The following ATAD2B variants were observed in gnomAD, a reference collection of about 807,000 sequenced individuals.
ATAD2B encodes the protein ATPase family AAA domain containing 2B.
Under a neutral mutation model 167.6 loss-of-function variants are expected in ATAD2B, and 40 were observed. That is an observed-to-expected ratio of 0.24 (90% CI 0.19 to 0.31). ATAD2B has a LOEUF of 0.31. ATAD2B is among the 10% of genes least tolerant of loss of function. ATAD2B has a pLI of 1.00. For missense variants in ATAD2B, 1,242 were observed against 1,757.2 expected, an observed-to-expected ratio of 0.71 and a Z score of 5.24; for synonymous variants, 579 against 596.5, an observed-to-expected ratio of 0.97 and a Z score of 0.43.
chr2:23,899,780 C>T (rs921744833), intron 1 of ATAD2B, among the ~76,000 whole-genome samples: 1 of 144,770 alleles, frequency 6.9e-6, no homozygotes, highest in African/African-American at 2.6e-5. Flanking sequence ...TACTAGAGAC[C>T]GGGTTTCACC....
chr2:23,745,422 A>AAGGAAAGGGAAGGGAAGGGAAGGGAAAGG, downstream of ATAD2B, among the ~76,000 whole-genome samples: 1 of 85,012 alleles, frequency 1.2e-5, no homozygotes, highest in Non-Finnish European at 2.4e-5. Flanking sequence ...GGAAGGAAGG[A>AAGGAAAGGGAAGGGAAGGGAAGGGAAAGG]AAGGGAAGGG....
At chr2:23,860,308 T>C (rs1323533525) in intron 12 of ATAD2B, among the ~76,000 whole-genome samples, 1 of 152,214 alleles carries the variant, frequency 6.6e-6, no homozygotes, top group African/African-American at 2.4e-5. Context: ...AACAAAAATA[T>C]GTATTTTGTT....
intron 15 of ATAD2B, among the ~76,000 whole-genome samples, chr2:23,825,252 T>C (rs1261959619): frequency 1.3e-5 from 2 of 151,878 alleles, no homozygotes. Flanking sequence ...CCTATTTATC[T>C]TTTTATACCT....
Position 23,926,916 on chromosome 2 carries a change from A to G in ATAD2B, c.-146T>C, listed in dbSNP as rs1476396920. ...AGCGTGCGGAGCGCAGACGAGCACA[A>G]GAGAGAGCCGGGCAGAGGAAGGGAA... On this transcript the variant is annotated 5_prime_UTR_variant, in exon 1 of 28. Transcript: ENST00000238789. The G allele has an allele frequency of 1.0e-6, 1 of 988,536 alleles. No homozygotes were observed. The highest frequency in any genetic ancestry group is 3.1e-5 in the East Asian group (1 of 32,400). The allele number at this position is 988,536 out of a possible 1,614,324, so 61.2% of individuals were successfully genotyped here.
chr2:23,745,413 G>A (rs1315723180), downstream of ATAD2B, among the ~76,000 whole-genome samples: 4 of 100,752 alleles, frequency 4.0e-5, no homozygotes, highest in Non-Finnish European at 9.1e-5. Flanking sequence ...AGGAAGGAAG[G>A]AAGGAAGGAA....
chr2:23,739,555 G>C, the ATAD2B span, among the ~76,000 whole-genome samples: 3,291 of 152,018 alleles, frequency 0.022, 134 homozygotes, highest in African/African-American at 0.075. Context: ...AAAGCAGTGT[G>C]TAGAGGGAAA....
At chr2:23,691,881 G>A in the ATAD2B span, 1 of 1,547,814 alleles carries the variant, frequency 6.5e-7, no homozygotes, top group South Asian at 1.2e-5. Flanking sequence ...TTCTCGGTGA[G>A]CCCGGGGGCC....
At chr2:23,873,347 C>A (rs1353918021) in intron 8 of ATAD2B, among the ~76,000 whole-genome samples, 2 of 152,102 alleles carry the variant, frequency 1.3e-5, no homozygotes, top group Non-Finnish European at 2.9e-5. Context: ...TATAACAATA[C>A]CTATAAACAT....
At chr2:23,771,663 T>G (rs929383955) in intron 22 of ATAD2B, among the ~76,000 whole-genome samples, 2 of 152,186 alleles carry the variant, frequency 1.3e-5, no homozygotes, top group Admixed American at 6.5e-5. Context: ...TTTTCTCACT[T>G]CTCTTGGAAT....
At chr2:23,893,637 C>G (rs1421188398) in intron 2 of ATAD2B, among the ~76,000 whole-genome samples, 1 of 149,532 alleles carries the variant, frequency 6.7e-6, no homozygotes, top group Non-Finnish European at 1.5e-5. Context: ...TACTCAGACT[C>G]CTAGATGAAT....
At chr2:23,679,569 G>C in the ATAD2B span, among the ~76,000 whole-genome samples, 1 of 145,048 alleles carries the variant, frequency 6.9e-6, no homozygotes, top group African/African-American at 2.5e-5. Context: ...TCCACCTCTT[G>C]ACGGGGGAAG....
chr2:23,745,657 C>G (rs1674839635), downstream of ATAD2B, among the ~76,000 whole-genome samples: 1 of 152,186 alleles, frequency 6.6e-6, no homozygotes, highest in African/African-American at 2.4e-5. Flanking sequence ...ATGGGACCAA[C>G]AACAGTACCT....
Position 23,915,442 on chromosome 2 carries a change from TA to T in ATAD2B, c.216+11112del, listed in dbSNP as rs764031236. Reference sequence around the variant, plus strand: ...TAACCCAGGAAAACAAAGTCTTGATTAAAAAAAAAAAAAAATCCAACTCACT... The same window carrying T: ...TAACCCAGGAAAACAAAGTCTTGATTAAAAAAAAAAAAAATCCAACTCACT... On this transcript the variant is annotated intron_variant, in intron 1 of 27. Coordinates refer to ENST00000238789, the MANE Select transcript of ATAD2B (RefSeq NM_017552.4). Among the ~76,000 whole-genome samples the T allele has an allele frequency of 3.8e-3, 518 of 136,016 alleles. 1 individual carries two copies. Among genetic ancestry groups the T allele is most frequent in the East Asian group, 6.9e-3 (33 of 4,790 alleles). 89.2% of individuals were successfully genotyped at this position (136,016 alleles called of 152,430 possible).
chr2:23,687,153 C>T, the ATAD2B span, among the ~76,000 whole-genome samples: 1 of 152,194 alleles, frequency 6.6e-6, no homozygotes, highest in Non-Finnish European at 1.5e-5. Context: ...GCTCCACGCT[C>T]AGGCAGCTGC....
chr2:23,734,621 T>C, the ATAD2B span, among the ~76,000 whole-genome samples: 2 of 152,062 alleles, frequency 1.3e-5, no homozygotes, highest in East Asian at 3.9e-4. Context: ...AAGAGAGAGA[T>C]AAGTGGGAGG....
At chr2:23,805,965 C>T (rs1684325948) in intron 18 of ATAD2B, among the ~76,000 whole-genome samples, 2 of 151,970 alleles carry the variant, frequency 1.3e-5, no homozygotes, top group South Asian at 4.1e-4. Context: ...AAGGTATTTG[C>T]CCATATTTAG....
At chr2:23,769,723 T>G (rs1390980240) in intron 22 of ATAD2B, among the ~76,000 whole-genome samples, 1 of 149,380 alleles carries the variant, frequency 6.7e-6, no homozygotes, top group African/African-American at 2.5e-5. Context: ...TTTTTTTTTT[T>G]TTTTTTTTTT....
the ATAD2B span, among the ~76,000 whole-genome samples, chr2:23,709,491 G>A: frequency 6.6e-5 from 10 of 152,214 alleles, no homozygotes; most frequent in African/African-American, 2.4e-4. Flanking sequence ...AAAAGGTAGA[G>A]CGCCAGATGG....
chr2:23,919,604 AG>A (rs576796982), intron 1 of ATAD2B, among the ~76,000 whole-genome samples: 51 of 152,234 alleles, frequency 3.4e-4, no homozygotes, highest in Middle Eastern at 3.4e-3. Flanking sequence ...GCACTTTGAG[AG>A]GCCGAGGCGG....
Sources: allele counts gnomAD v4.1 joint callset (sites outside exome capture counted in the v4.1 genomes callset), GRCh38; gene constraint gnomAD v4.1.1; transcripts MANE v1.5; gene names NCBI Gene and HGNC (gene_info 2026-07-23, HGNC 2026-07-21).